Variants in IGSF21 observed in about 807,000 individuals in gnomAD.
IGSF21 encodes immunoglobin superfamily member 21, also known as immunoglobulin superfamily member 21.
IGSF21 carries 28 observed loss-of-function variants against 46.8 expected under a neutral mutation model. The observed-to-expected ratio is 0.60, with a 90% CI of 0.44 to 0.82. IGSF21 has a LOEUF of 0.82. IGSF21 is among the 40% of genes least tolerant of loss of function. IGSF21 has a pLI of 0.00. For synonymous variants in IGSF21, 284 were observed against 273.6 expected (o/e 1.04, Z -0.38); for missense variants, 624 against 665.5 (o/e 0.94, Z 0.69).
chr1:18,219,394 G>C (rs1196661010), intron 1 of IGSF21, among the ~76,000 whole-genome samples: 1 of 152,144 alleles, frequency 6.6e-6, no homozygotes, highest in Non-Finnish European at 1.5e-5. Context: ...ATTGTGAGTA[G>C]AGAAACTGAA....
At chr1:18,160,703 A>T (rs983393501) in intron 1 of IGSF21, among the ~76,000 whole-genome samples, 5 of 152,176 alleles carry the variant, frequency 3.3e-5, no homozygotes, top group African/African-American at 1.2e-4. Flanking sequence ...GATGGGGGGA[A>T]CTAAACCAGC....
At chr1:18,223,871 C>G (rs1308181324) in intron 1 of IGSF21, among the ~76,000 whole-genome samples, 1 of 152,216 alleles carries the variant, frequency 6.6e-6, no homozygotes, top group Non-Finnish European at 1.5e-5. Flanking sequence ...GGAAACCCCA[C>G]TCCCTCAGCT....
At chr1:18,336,787 T>A (rs1364678232) in intron 4 of IGSF21, among the ~76,000 whole-genome samples, 1 of 152,144 alleles carries the variant, frequency 6.6e-6, no homozygotes, top group Non-Finnish European at 1.5e-5. Flanking sequence ...TACCCAAGAC[T>A]GGGCAATTTG....
intron 1 of IGSF21, among the ~76,000 whole-genome samples, chr1:18,129,598 C>T (rs539250760): frequency 6.6e-6 from 1 of 152,164 alleles, no homozygotes; most frequent in Admixed American, 6.5e-5. Context: ...GCATACAGGC[C>T]AGCACTGTGG....
intron 1 of IGSF21, among the ~76,000 whole-genome samples, chr1:18,219,176 G>A (rs2084482315): frequency 6.6e-6 from 1 of 152,190 alleles, no homozygotes; most frequent in South Asian, 2.1e-4. Flanking sequence ...AGTAAAGCAG[G>A]GTAATAAGTC....
chr1:18,377,873 A>G (rs1017807817), intron 9 of IGSF21, among the ~76,000 whole-genome samples: 1 of 152,166 alleles, frequency 6.6e-6, no homozygotes, highest in Non-Finnish European at 1.5e-5. Flanking sequence ...GTCTCAGTGC[A>G]GGCCCTTTAT....
intron 2 of IGSF21, among the ~76,000 whole-genome samples, chr1:18,268,637 C>T (rs1335278973): frequency 3.3e-5 from 5 of 152,206 alleles, no homozygotes; most frequent in Admixed American, 1.3e-4. Flanking sequence ...AGGTGGTCAC[C>T]AATGTGCCTT....
At chr1:18,154,394 C>T (rs1166534284) in intron 1 of IGSF21, among the ~76,000 whole-genome samples, 1 of 152,088 alleles carries the variant, frequency 6.6e-6, no homozygotes, top group Non-Finnish European at 1.5e-5. Flanking sequence ...CAAAGCTTCA[C>T]CTCCTCAGGT....
intron 3 of IGSF21, among the ~76,000 whole-genome samples, chr1:18,327,875 A>G (rs777847553): frequency 7.2e-5 from 11 of 152,198 alleles, no homozygotes; most frequent in Non-Finnish European, 1.3e-4. Flanking sequence ...TTGTTTGTCA[A>G]TTATACCCCA....
intron 1 of IGSF21, among the ~76,000 whole-genome samples, chr1:18,165,425 C>T (rs1012498630): frequency 6.6e-5 from 10 of 152,118 alleles, no homozygotes; most frequent in Non-Finnish European, 1.3e-4. Flanking sequence ...CTTATAAGGA[C>T]ACTAGTCAGA....
intron 1 of IGSF21, among the ~76,000 whole-genome samples, chr1:18,157,423 C>T (rs1188842059): frequency 2.0e-5 from 3 of 152,218 alleles, no homozygotes; most frequent in South Asian, 2.1e-4. Context: ...CTCAAGGTCT[C>T]GGTCATAGCC....
intron 1 of IGSF21, among the ~76,000 whole-genome samples, chr1:18,172,633 A>G (rs1350246394): frequency 1.3e-5 from 2 of 152,220 alleles, no homozygotes; most frequent in African/African-American, 2.4e-5. Flanking sequence ...CAATCCTATC[A>G]GATTAGTACC....
chr1:18,261,140 G>A (rs1340520966), intron 2 of IGSF21, among the ~76,000 whole-genome samples: 1 of 152,228 alleles, frequency 6.6e-6, no homozygotes, highest in Non-Finnish European at 1.5e-5. Context: ...TCCCACTTCA[G>A]CCAGGCCAAG....
At chr1:18,194,222 A>AC (rs1377438221) in intron 1 of IGSF21, among the ~76,000 whole-genome samples, 1 of 152,050 alleles carries the variant, frequency 6.6e-6, no homozygotes, top group African/African-American at 2.4e-5. Context: ...GAGAAAGGAG[A>AC]CCCTCCTACT....
At chr1:18,307,574 T>A (rs1459452910) in intron 3 of IGSF21, among the ~76,000 whole-genome samples, 1 of 152,210 alleles carries the variant, frequency 6.6e-6, no homozygotes, top group Non-Finnish European at 1.5e-5. Flanking sequence ...ACCCGCCTGC[T>A]GGGTGAAAAC....
intron 1 of IGSF21, among the ~76,000 whole-genome samples, chr1:18,207,126 C>G (rs1439214923): frequency 2.0e-5 from 3 of 152,118 alleles, no homozygotes; most frequent in African/African-American, 7.2e-5. Context: ...GTCCCGGCTT[C>G]CTTGCTGATT....
intron 2 of IGSF21, among the ~76,000 whole-genome samples, chr1:18,233,069 G>T (rs746260379): frequency 6.6e-6 from 1 of 152,222 alleles, no homozygotes; most frequent in Non-Finnish European, 1.5e-5. Context: ...AGAATCATGG[G>T]AGTTTAACCT....
intron 3 of IGSF21, among the ~76,000 whole-genome samples, chr1:18,299,139 G>A (rs1307909853): frequency 6.6e-6 from 1 of 152,214 alleles, no homozygotes; most frequent in Non-Finnish European, 1.5e-5. Context: ...ACAAAGAGGA[G>A]CTGGGAGCTG....
chr1:18,346,728 C>T (rs1029104565), intron 4 of IGSF21, among the ~76,000 whole-genome samples: 3 of 152,148 alleles, frequency 2.0e-5, no homozygotes, highest in African/African-American at 7.2e-5. Flanking sequence ...CTACAGGCCT[C>T]CTCCCTGCCA....
Sources: gnomAD v4.1 joint callset for allele counts (sites outside exome capture counted in the v4.1 genomes callset) on GRCh38, gnomAD v4.1.1 for gene constraint, MANE v1.5 for transcripts, NCBI Gene and HGNC (gene_info 2026-07-23, HGNC 2026-07-21) for gene names.